LAMC2: variants seen among roughly 807,000 people sequenced by gnomAD.
LAMC2 encodes laminin subunit gamma-2.
A neutral mutation model predicts 140.2 loss-of-function variants in LAMC2; 97 were observed. The observed-to-expected ratio is 0.69, with a 90% CI of 0.59 to 0.82. The LOEUF is 0.82. Ranked by LOEUF, LAMC2 falls within the 40% of genes least tolerant of loss-of-function variation. The pLI, the probability that LAMC2 is intolerant of heterozygous loss-of-function variation, is 0.00. For synonymous variants in LAMC2, 513 were observed against 540.2 expected (o/e 0.95, Z 0.70); for missense variants, 1,402 against 1,476.1 (o/e 0.95, Z 0.82).
At chr1:183,233,338 G>GGGAAGGAA (rs57892666) in intron 14 of LAMC2, among the ~76,000 whole-genome samples, 1 of 151,974 alleles carries the variant, frequency 6.6e-6, no homozygotes, top group Admixed American at 6.6e-5. Flanking sequence ...GAAGAGAGTA[G>GGGAAGGAA]GGAAGGAAGG....
In LAMC2 at chr1:183,235,749, T is replaced by G. The variant is rs765030181; in HGVS notation, c.2456+19T>G. On this transcript the variant is annotated intron_variant, in intron 16 of 22. Transcript: ENST00000264144. ...TGGAAAAGTACGTTCCTACGGGTCC[T>G]CCCGTGGCTCATTATACCTTGGATA... is the stretch of plus-strand genomic sequence containing the variant. The G allele has an allele frequency of 5.0e-6, 8 of 1,613,368 alleles. No individual in the cohort carries two copies. The highest frequency in any genetic ancestry group is 6.8e-6 in the Non-Finnish European group (8 of 1,179,792).
At chr1:183,188,625 A>G (rs1297255065) in intron 1 of LAMC2, among the ~76,000 whole-genome samples, 2 of 152,224 alleles carry the variant, frequency 1.3e-5, no homozygotes, top group African/African-American at 4.8e-5. Context: ...GAAAGGATGA[A>G]CAATTACTGT....
rs1229891124 is a variant in LAMC2, at chr1:183,215,607, C to T, written c.404+19C>T. 1.2e-6 allele frequency: 2 copies of T among 1,613,852 alleles called. No individual in the cohort carries two copies. Among genetic ancestry groups the T allele is most frequent in the African/African-American group, 1.3e-5 (1 of 74,898 alleles). On this transcript the variant is annotated intron_variant, in intron 3 of 22. Transcript: ENST00000264144. ...GACTGCTGTGAGTATTTGCATCCCA[C>T]CATGGCTGTCACTAACTCAGTGATG...
intron 20 of LAMC2, 191 bp downstream of exon 20, chr1:183,239,754 G>A (rs112422293): frequency 3.4e-5 from 22 of 647,334 alleles, no homozygotes; most frequent in African/African-American, 9.2e-5. Context: ...TTTGTCCTCC[G>A]GGTTTTCCCA....
At chr1:183,229,477 A>T (rs932219819) in intron 11 of LAMC2, among the ~76,000 whole-genome samples, 1 of 151,946 alleles carries the variant, frequency 6.6e-6, no homozygotes, top group African/African-American at 2.4e-5. Flanking sequence ...TCTCTACTAA[A>T]AATACAAATA....
downstream of LAMC2, chr1:183,249,894 C>G (rs1053470827): frequency 6.6e-6 from 1 of 152,082 alleles, no homozygotes; most frequent in Non-Finnish European, 1.5e-5. Flanking sequence ...TTCTATGGCA[C>G]CTGTTCTTTG....
downstream of LAMC2, among the ~76,000 whole-genome samples, chr1:183,246,947 T>C (rs662034): frequency 0.037 from 5,575 of 152,336 alleles, 351 homozygotes; most frequent in African/African-American, 0.13. Context: ...TATGTGCACA[T>C]ATGTTAATTC....
At position 183,232,265 on chromosome 1, in the gene LAMC2, G is replaced by C. The variant is rs1659821916; in HGVS notation, c.1936G>C (p.Asp646His). 1 of 1,614,098 alleles carries C rather than the reference G, an allele frequency of 6.2e-7. No homozygotes were observed. Among genetic ancestry groups the C allele is most frequent in the Non-Finnish European group, 8.5e-7 (1 of 1,180,032 alleles). Residue 646 changes from aspartate (D) to histidine (H), a missense_variant, in exon 13 of 23, where the codon GAT becomes CAT. Around this residue, in one of 3 missense-constraint regions of LAMC2, gnomAD observed 670 missense variants for 667.2 expected, o/e 1.00. Transcript: ENST00000264144. ...TCAGGGTGGTGATGGAGTAGTACCTGATACAGAGCTGGAAGGCAGGATGCA... is the reference window on the plus strand; with the variant it reads ...TCAGGGTGGTGATGGAGTAGTACCTCATACAGAGCTGGAAGGCAGGATGCA... The part of the protein sequence containing the change: ...KAQGGDGVVP[D>H]TELEGRMQQA...
the LAMC2 span, among the ~76,000 whole-genome samples, chr1:183,254,892 C>T: frequency 6.6e-6 from 1 of 151,996 alleles, no homozygotes; most frequent in Admixed American, 6.6e-5. Flanking sequence ...TGGTTGTTTC[C>T]TTTGCTGTAC....
chr1:183,208,031 A>G lies in LAMC2; in HGVS notation c.230A>G (p.Glu77Gly). The change falls in exon 2 of 23, where the codon GAA becomes GGA. Residue 77 changes from glutamate to glycine, a missense_variant. Physicochemically the swap from Glu to Gly is moderately conservative, Grantham distance 98 (BLOSUM62 -2). This residue lies in a region of LAMC2 where 723 missense variants were observed against 783.3 expected (regional missense o/e 0.92). Transcript: ENST00000264144. The part of the protein sequence containing the change: ...KCKNGFYRHR[E>G]RDRCLPCNCN... Reference sequence around the variant, plus strand: ...AAGAATGGCTTTTACCGGCACAGAGAAAGGGACCGCTGTTTGCCCTGCAAT... The same window carrying G: ...AAGAATGGCTTTTACCGGCACAGAGGAAGGGACCGCTGTTTGCCCTGCAAT... 6.2e-7 allele frequency: 1 copy of G among 1,614,154 alleles called. No homozygotes were observed. Among genetic ancestry groups the G allele is most frequent in the Non-Finnish European group, 8.5e-7 (1 of 1,180,026 alleles).
rs535302699 is a variant in LAMC2, at chr1:183,241,127, A to G, written c.3328+736A>G. 3.0e-3 allele frequency: 527 copies of G among 177,622 alleles called. 4 individuals carry two copies. The highest frequency in any genetic ancestry group is 0.012 in the African/African-American group (491 of 41,940). The allele number at this position is 177,622 out of a possible 1,614,324, so 11.0% of individuals were successfully genotyped here. A position where few individuals can be genotyped will look rare whatever the true frequency, so the allele number is the denominator to read the frequency against. ...GCTGGATGTGGTGGTGGGCGCCTGT[A>G]ATTCCAGCTACTCAGGAGTCTGAGG... On this transcript the variant is annotated intron_variant, in intron 22 of 22. Coordinates refer to ENST00000264144, the MANE Select transcript of LAMC2 (RefSeq NM_005562.3).
chr1:183,198,883 C>T (rs1455142102), intron 1 of LAMC2, among the ~76,000 whole-genome samples: 2 of 152,200 alleles, frequency 1.3e-5, no homozygotes. Flanking sequence ...CTGAAAGTCC[C>T]AGACCCTTAA....
At chr1:183,205,721 A>G (rs769185770) in intron 1 of LAMC2, among the ~76,000 whole-genome samples, 10 of 152,176 alleles carry the variant, frequency 6.6e-5, no homozygotes, top group Non-Finnish European at 1.3e-4. Flanking sequence ...CAAAAGCCTG[A>G]TGACGCAGGG....
the LAMC2 span, chr1:183,252,803 T>C: frequency 1.6e-6 from 2 of 1,243,360 alleles, no homozygotes; most frequent in Non-Finnish European, 2.4e-6. Flanking sequence ...TCAGGAGGAC[T>C]GGCATGCCCC....
At chr1:183,221,013 T>G (rs1275169993) in intron 5 of LAMC2, 52 bp downstream of exon 5, 4 of 1,562,644 alleles carry the variant, frequency 2.6e-6, no homozygotes, top group Non-Finnish European at 3.5e-6. Flanking sequence ...TACAGGGCTT[T>G]GTGTTTAGAG....
chr1:183,214,257 C>T (rs977545018), intron 2 of LAMC2, among the ~76,000 whole-genome samples: 5 of 152,182 alleles, frequency 3.3e-5, no homozygotes, highest in South Asian at 2.1e-4. Context: ...AGTGGGAATA[C>T]GGCAGGTGAC....
chr1:183,189,676 A>G (rs1209378662), intron 1 of LAMC2, among the ~76,000 whole-genome samples: 4 of 152,224 alleles, frequency 2.6e-5, no homozygotes, highest in African/African-American at 9.6e-5. Flanking sequence ...GGAACGATGG[A>G]GCAGAATCAG....
At chr1:183,237,581 T>A in intron 18 of LAMC2, 77 bp downstream of exon 18, 2 of 1,358,832 alleles carry the variant, frequency 1.5e-6, no homozygotes, top group Non-Finnish European at 2.1e-6. Flanking sequence ...GCAAGAAGAA[T>A]AATCAAAAGC....
the LAMC2 span, among the ~76,000 whole-genome samples, chr1:183,256,093 T>A: frequency 6.6e-6 from 1 of 152,184 alleles, no homozygotes; most frequent in East Asian, 1.9e-4. Flanking sequence ...ATGTTAGCTG[T>A]GGGTTTTTTA....
Sources: gnomAD v4.1 joint callset for allele counts (sites outside exome capture counted in the v4.1 genomes callset) on GRCh38, gnomAD v4.1.1 for gene constraint, gnomAD v4.1.1 regional missense constraint, MANE v1.5 for transcripts, NCBI Gene and HGNC (gene_info 2026-07-23, HGNC 2026-07-21) for gene names.